SVOPL: variants seen among roughly 807,000 people sequenced by gnomAD.
SVOPL encodes SVOP like.
In SVOPL, 60 loss-of-function variants were observed where a neutral mutation model predicts 61.0. The observed-to-expected ratio is 0.98, with a 90% CI of 0.80 to 1.22. SVOPL has a LOEUF of 1.22. SVOPL is among the 50% of genes most tolerant of loss of function. The pLI, the probability that SVOPL is intolerant of heterozygous loss-of-function variation, is 0.00. For missense variants in SVOPL, 662 were observed against 643.9 expected (o/e 1.03, Z -0.30); for synonymous variants, 279 against 250.0 (o/e 1.12, Z -1.09).
At chr7:138,681,349 AAAT>A (rs1490611821) in intron 1 of SVOPL, among the ~76,000 whole-genome samples, 71 of 148,900 alleles carry the variant, frequency 4.8e-4, no homozygotes, top group African/African-American at 1.7e-3. Flanking sequence ...ATATATTAAC[AAAT>A]ATTATTATAT....
intron 8 of SVOPL, among the ~76,000 whole-genome samples, chr7:138,648,543 A>G (rs1801246228): frequency 7.2e-6 from 1 of 139,672 alleles, no homozygotes; most frequent in African/African-American, 2.7e-5. Context: ...CAAAAAAAAA[A>G]AAAAAAAAAA....
intron 1 of SVOPL, among the ~76,000 whole-genome samples, chr7:138,688,173 G>A (rs1433350318): frequency 6.6e-6 from 1 of 152,052 alleles, no homozygotes; most frequent in Non-Finnish European, 1.5e-5. Flanking sequence ...AATGGCCAAT[G>A]AGCACATGAA....
chr7:138,611,371 C>T (rs1016719610), intron 14 of SVOPL, among the ~76,000 whole-genome samples: 2 of 152,058 alleles, frequency 1.3e-5, no homozygotes, highest in Non-Finnish European at 2.9e-5. Context: ...GAGCAAGACT[C>T]TGTCTCAAAA....
chr7:138,624,217 C>CA (rs995256082), intron 13 of SVOPL, among the ~76,000 whole-genome samples: 8 of 152,136 alleles, frequency 5.3e-5, no homozygotes, highest in African/African-American at 1.9e-4. Flanking sequence ...AATTTATTGT[C>CA]AAAAAATCTT....
chr7:138,619,542 A>G (rs1443441598), intron 14 of SVOPL, among the ~76,000 whole-genome samples: 1 of 128,230 alleles, frequency 7.8e-6, no homozygotes, highest in Non-Finnish European at 1.6e-5. Flanking sequence ...GGTGGGGATT[A>G]GCTTGGTTTC....
intron 5 of SVOPL, chr7:138,661,223 A>G: frequency 1.0e-6 from 1 of 985,464 alleles, no homozygotes; most frequent in South Asian, 4.7e-5. Context: ...TGGGTTTGTA[A>G]TCAGAAGACA....
chr7:138,622,052 ATG>A lies in SVOPL; in HGVS notation c.1264-919_1264-918del, dbSNP rs1799632075. On this transcript the variant is annotated intron_variant, in intron 13 of 15. Transcript: ENST00000674285. ...TATCTATCTATGTATCTATCTATCT[ATG>A]TATCTATCTATCTATGTATCTATCT... is the stretch of plus-strand genomic sequence containing the variant. 2.6e-5 allele frequency among the ~76,000 whole-genome samples: 3 copies of A among 116,064 alleles called. 1 individual carries two copies. Among genetic ancestry groups the A allele is most frequent in the African/African-American group, 1.2e-4 (3 of 25,804 alleles). 76.1% of individuals were successfully genotyped at this position (116,064 alleles called of 152,430 possible). A position where few individuals can be genotyped will look rare whatever the true frequency, so the allele number is the denominator to read the frequency against.
At chr7:138,686,152 C>A (rs1390135077) in intron 1 of SVOPL, among the ~76,000 whole-genome samples, 16 of 144,614 alleles carry the variant, frequency 1.1e-4, no homozygotes, top group Admixed American at 1.1e-3. Context: ...CCTGTAATCC[C>A]AGCACTTTGG....
chr7:138,649,006 C>G lies in SVOPL; in HGVS notation c.660+6G>C, dbSNP rs745645610. 6.2e-6 allele frequency: 10 copies of G among 1,613,564 alleles called. No homozygotes were observed. Among genetic ancestry groups the G allele is most frequent in the Admixed American group, 1.7e-5 (1 of 59,946 alleles). On this transcript the variant is annotated splice_donor_region_variant and intron_variant, in intron 8 of 15. Transcript: ENST00000674285. Reference sequence around the variant, plus strand: ...GGACAGGAAGGAGCCACAAGTGCTTCCCCACCTTGAAGGCCACGATGAGGA... The same window carrying G: ...GGACAGGAAGGAGCCACAAGTGCTTGCCCACCTTGAAGGCCACGATGAGGA...
intron 3 of SVOPL, among the ~76,000 whole-genome samples, chr7:138,677,184 G>A (rs565768273): frequency 1.1e-4 from 16 of 152,210 alleles, no homozygotes; most frequent in African/African-American, 3.6e-4. Context: ...GATTACAGGC[G>A]TGAGCCACTG....
chr7:138,637,168 A>C (rs28378624), intron 9 of SVOPL, among the ~76,000 whole-genome samples: 52,527 of 151,626 alleles, frequency 0.35, 11,053 homozygotes, highest in African/African-American at 0.6. Flanking sequence ...TGGTGGATGC[A>C]TGTAATCTCA....
chr7:138,598,630 A>G (rs978256731), intron 14 of SVOPL, among the ~76,000 whole-genome samples: 1 of 152,206 alleles, frequency 6.6e-6, no homozygotes, highest in Non-Finnish European at 1.5e-5. Flanking sequence ...TCTAGTCCTA[A>G]AAGGATGTCA....
intron 1 of SVOPL, among the ~76,000 whole-genome samples, chr7:138,694,748 G>C (rs1250979378): frequency 6.6e-6 from 1 of 151,882 alleles, no homozygotes; most frequent in South Asian, 2.1e-4. Context: ...TTATTATTTT[G>C]TTTGTTTGTT....
At chr7:138,611,147 G>T (rs1036653318) in intron 14 of SVOPL, among the ~76,000 whole-genome samples, 1 of 152,216 alleles carries the variant, frequency 6.6e-6, no homozygotes, top group Non-Finnish European at 1.5e-5. Flanking sequence ...GGAAGCCAAG[G>T]TGGACAGATC....
At chr7:138,653,726 G>T (rs1414944403) in intron 7 of SVOPL, among the ~76,000 whole-genome samples, 1 of 152,118 alleles carries the variant, frequency 6.6e-6, no homozygotes, top group Non-Finnish European at 1.5e-5. Context: ...ACAAGGTCAG[G>T]AGTTCAAGAC....
chr7:138,622,222 G>GTAAC (rs1799680811), intron 13 of SVOPL, among the ~76,000 whole-genome samples: 1 of 67,272 alleles, frequency 1.5e-5, no homozygotes, highest in African/African-American at 6.0e-5. Flanking sequence ...ATCTATCTAT[G>GTAAC]TATCTATCTA....
intron 4 of SVOPL, chr7:138,663,484 G>A: frequency 9.3e-7 from 1 of 1,080,674 alleles, no homozygotes; most frequent in South Asian, 3.5e-5. Flanking sequence ...TTCATGCGCT[G>A]CCTTATACAG....
intron 14 of SVOPL, among the ~76,000 whole-genome samples, chr7:138,620,582 AC>A (rs1368895645): frequency 3.3e-5 from 5 of 151,452 alleles, no homozygotes; most frequent in African/African-American, 7.3e-5. Context: ...GCTCCAAGTC[AC>A]CCTGGATTTT....
At chr7:138,686,405 CAAAAAAAAAAAAA>C (rs200553829) in intron 1 of SVOPL, among the ~76,000 whole-genome samples, 2 of 88,706 alleles carry the variant, frequency 2.3e-5, no homozygotes, top group South Asian at 4.3e-4. Flanking sequence ...GACTCCGCCT[CAAAAAAAAAAAAA>C]AAAAAAAAAA....
Sources: gnomAD v4.1 joint callset for allele counts (sites outside exome capture counted in the v4.1 genomes callset) on GRCh38, gnomAD v4.1.1 for gene constraint, MANE v1.5 for transcripts, NCBI Gene and HGNC (gene_info 2026-07-23, HGNC 2026-07-21) for gene names.